The following FRMD4B variants were observed in gnomAD, a reference collection of about 807,000 sequenced individuals.
The protein encoded by FRMD4B is FERM domain-containing protein 4B.
FRMD4B carries 74 observed loss-of-function variants against 141.5 expected under a neutral mutation model. The ratio of observed to expected loss-of-function variants is 0.52; its 90% CI spans 0.43 to 0.63. The LOEUF (loss-of-function observed/expected upper bound fraction) is 0.63, where lower values mean the gene tolerates loss of function less well. Ranked by LOEUF, FRMD4B falls within the 30% of genes least tolerant of loss-of-function variation. The pLI is 0.00. For missense variants in FRMD4B, 1,366 were observed against 1,253.4 expected (o/e 1.09, Z -1.36); for synonymous variants, 506 against 467.9 (o/e 1.08, Z -1.05).
At chr3:69,234,047 G>A (rs571491197) in intron 7 of FRMD4B, among the ~76,000 whole-genome samples, 2 of 151,892 alleles carry the variant, frequency 1.3e-5, no homozygotes, top group South Asian at 4.1e-4. Context: ...AGGAGTTCCA[G>A]ACCAGCCTGG....
intron 2 of FRMD4B, among the ~76,000 whole-genome samples, chr3:69,431,765 C>T (rs1392114739): frequency 1.3e-5 from 2 of 152,182 alleles, no homozygotes; most frequent in African/African-American, 2.4e-5. Flanking sequence ...CTCCAGCAGG[C>T]GCCAGCATGT....
rs58620572 is a variant in FRMD4B, at chr3:69,283,402, A to AAC, written c.501+4349_501+4350insGT. The stretch of plus-strand genomic sequence containing the variant: ...TCCATCTCAAAACAACAACAACAAC[A>AAC]AACAAAAAACAAAAAAGCAACAACA... On this transcript the variant is annotated intron_variant, in intron 5 of 22. Coordinates refer to ENST00000398540, the MANE Select transcript of FRMD4B (RefSeq NM_015123.3). Among the ~76,000 whole-genome samples, 155 of 109,644 alleles carry AAC rather than the reference A, an allele frequency of 1.4e-3. 1 individual carries two copies. Among genetic ancestry groups the AAC allele is most frequent in the African/African-American group, 4.4e-3 (137 of 31,262 alleles). The allele number at this position is 109,644 out of a possible 152,430, so 71.9% of individuals were successfully genotyped here. A position where few individuals can be genotyped will look rare whatever the true frequency, so the allele number is the denominator to read the frequency against.
At chr3:69,224,807 T>C in intron 7 of FRMD4B, 117 bp from the exon 8 acceptor site, 1 of 647,584 alleles carries the variant, frequency 1.5e-6, no homozygotes, top group Non-Finnish European at 2.8e-6. Context: ...GGAGCCAACA[T>C]ACACATGGTT....
chr3:69,411,021 AT>A (rs1195701130), intron 2 of FRMD4B, among the ~76,000 whole-genome samples: 2 of 152,086 alleles, frequency 1.3e-5, no homozygotes, highest in East Asian at 3.9e-4. Flanking sequence ...CATGGGCCGT[AT>A]TCTCCTGTGG....
intron 3 of FRMD4B, among the ~76,000 whole-genome samples, chr3:69,302,809 A>T (rs1291614990): frequency 6.6e-6 from 1 of 152,248 alleles, no homozygotes; most frequent in African/African-American, 2.4e-5. Flanking sequence ...ACAGTGGCTC[A>T]TGCCTGTAAT....
chr3:69,325,888 T>C (rs1008670844), intron 1 of FRMD4B, among the ~76,000 whole-genome samples: 1 of 152,224 alleles, frequency 6.6e-6, no homozygotes, highest in African/African-American at 2.4e-5. Flanking sequence ...TATTGAGTAC[T>C]ATCCTGTTCT....
intron 2 of FRMD4B, among the ~76,000 whole-genome samples, chr3:69,403,330 T>C (rs1157007102): frequency 6.6e-6 from 1 of 152,240 alleles, no homozygotes; most frequent in East Asian, 1.9e-4. Flanking sequence ...AACTCAGAAG[T>C]ATTCTCACTG....
chr3:69,439,452 A>G (rs992341798), intron 1 of FRMD4B, among the ~76,000 whole-genome samples: 9 of 152,294 alleles, frequency 5.9e-5, no homozygotes, highest in Admixed American at 5.2e-4. Context: ...GGGTGGTCCA[A>G]TCCTCCAAGG....
intron 13 of FRMD4B, 65 bp downstream of exon 13, chr3:69,196,835 G>T: frequency 2.4e-6 from 3 of 1,225,386 alleles, no homozygotes; most frequent in Non-Finnish European, 3.5e-6. Context: ...TTGTGAGAAG[G>T]CTTATCTTCT....
chr3:69,205,841 C>A (rs1382855002), intron 11 of FRMD4B, among the ~76,000 whole-genome samples: 1 of 152,184 alleles, frequency 6.6e-6, no homozygotes, highest in East Asian at 1.9e-4. Context: ...AAGGATTTAA[C>A]AATTTTTACT....
At chr3:69,453,126 T>C (rs140775703) in intron 1 of FRMD4B, among the ~76,000 whole-genome samples, 14 of 152,292 alleles carry the variant, frequency 9.2e-5, no homozygotes, top group South Asian at 2.1e-4. Context: ...GGAGAGTTTA[T>C]TGAAGACACA....
Position 69,472,077 on chromosome 3 carries a change from G to A in FRMD4B, c.-128-39316C>T, listed in dbSNP as rs184906717. ...TGACAGCTAGAAATGATCCTTCCAT[G>A]GAAAGTCTTCCACTAGCTTCCAAAG... is the stretch of plus-strand genomic sequence containing the variant. On this transcript the variant is annotated intron_variant, in intron 1 of 5. Transcript: ENST00000459638. 267 of 169,144 alleles carry A rather than the reference G, an allele frequency of 1.6e-3. 2 individuals are homozygous for A. Among genetic ancestry groups the A allele is most frequent in the African/African-American group, 6.0e-3 (251 of 42,164 alleles). The allele number at this position is 169,144 out of a possible 1,614,324, so 10.5% of individuals were successfully genotyped here. A position where few individuals can be genotyped will look rare whatever the true frequency, so the allele number is the denominator to read the frequency against.
chr3:69,540,567 T>A (rs1701158464), intron 1 of FRMD4B, among the ~76,000 whole-genome samples: 1 of 133,134 alleles, frequency 7.5e-6, no homozygotes, highest in Admixed American at 8.3e-5. Context: ...TGAGCCGAGA[T>A]CGGCCACTGC....
In FRMD4B at chr3:69,438,210, C is replaced by G. The variant is rs181196052; in HGVS notation, c.-128-5449G>C. On this transcript the variant is annotated intron_variant, in intron 1 of 5. Coordinates refer to the FRMD4B transcript ENST00000459638. ...CCTCGAACCTCTTGGCTCATGTGATCCTCCCACCTCAGCCTCCTGAGCAGC... is the reference window on the plus strand; with the variant it reads ...CCTCGAACCTCTTGGCTCATGTGATGCTCCCACCTCAGCCTCCTGAGCAGC... Among the ~76,000 whole-genome samples the G allele has an allele frequency of 5.9e-5, 9 of 151,342 alleles. No homozygotes were observed. In the East Asian group the frequency reaches 1.8e-3, roughly 29 times the overall value.
At chr3:69,510,203 T>C (rs1706667246) in intron 1 of FRMD4B, among the ~76,000 whole-genome samples, 1 of 152,052 alleles carries the variant, frequency 6.6e-6, no homozygotes, top group South Asian at 2.1e-4. Flanking sequence ...TATAGTAAAC[T>C]GATAGTAATA....
intron 10 of FRMD4B, among the ~76,000 whole-genome samples, chr3:69,216,860 T>A (rs1364543656): frequency 3.9e-5 from 6 of 152,104 alleles, no homozygotes; most frequent in Non-Finnish European, 8.8e-5. Context: ...GTTGAAATAG[T>A]CCAGGACTGT....
chr3:69,432,519 G>T (rs975951628), intron 2 of FRMD4B: 5 of 152,062 alleles, frequency 3.3e-5, no homozygotes, highest in African/African-American at 1.2e-4. Context: ...ATAACATCCT[G>T]TCCAAGCCCC....
chr3:69,488,096 A>G (rs897475510), intron 1 of FRMD4B, among the ~76,000 whole-genome samples: 2 of 152,098 alleles, frequency 1.3e-5, no homozygotes, highest in African/African-American at 4.8e-5. Context: ...AGAAAAAAAG[A>G]AAAAAGGAAG....
At chr3:69,216,445 T>G in intron 10 of FRMD4B, 96 bp from the exon 11 acceptor site, 1 of 662,950 alleles carries the variant, frequency 1.5e-6, no homozygotes. Flanking sequence ...TTTTTTTTTT[T>G]TTTTTGAGAC....
Sources: gnomAD v4.1 joint callset for allele counts (sites outside exome capture counted in the v4.1 genomes callset) on GRCh38, gnomAD v4.1.1 for gene constraint, MANE v1.5 for transcripts, NCBI Gene and HGNC (gene_info 2026-07-23, HGNC 2026-07-21) for gene names.